RGS7: variants seen among roughly 807,000 people sequenced by gnomAD.
The protein encoded by RGS7 is regulator of G-protein signaling 7.
In RGS7, 27 loss-of-function variants were observed where a neutral mutation model predicts 81.1. The ratio of observed to expected loss-of-function variants is 0.33; its 90% CI spans 0.25 to 0.46. The LOEUF (loss-of-function observed/expected upper bound fraction) is 0.46. RGS7 is among the 20% of genes least tolerant of loss of function. The pLI, the probability that RGS7 is intolerant of heterozygous loss-of-function variation, is 1.00. For synonymous variants in RGS7, 208 were observed against 207.7 expected, an observed-to-expected ratio of 1.00 and a Z score of -0.01; for missense variants, 396 against 607.4, an observed-to-expected ratio of 0.65 and a Z score of 3.66.
chr1:240,870,699 G>A (rs1664330404), intron 6 of RGS7, among the ~76,000 whole-genome samples: 1 of 151,964 alleles, frequency 6.6e-6, no homozygotes, highest in South Asian at 2.1e-4. Flanking sequence ...CAAATAAGAG[G>A]AGAAAACAAA....
chr1:240,841,543 C>T (rs374101451), intron 9 of RGS7, among the ~76,000 whole-genome samples: 23 of 152,018 alleles, frequency 1.5e-4, no homozygotes, highest in Admixed American at 8.5e-4. Context: ...GCTAATAACG[C>T]CTCTTCTATT....
At chr1:240,897,011 G>A (rs1330458423) in intron 6 of RGS7, among the ~76,000 whole-genome samples, 5 of 152,188 alleles carry the variant, frequency 3.3e-5, no homozygotes, top group African/African-American at 1.2e-4. Flanking sequence ...TCCCTTGTAA[G>A]TTGGACTCCT....
At chr1:240,972,226 G>C (rs915764464) in intron 4 of RGS7, among the ~76,000 whole-genome samples, 1 of 152,090 alleles carries the variant, frequency 6.6e-6, no homozygotes, top group African/African-American at 2.4e-5. Flanking sequence ...TGAAATAGTT[G>C]TTCAAAAAGG....
intron 3 of RGS7, among the ~76,000 whole-genome samples, chr1:241,037,145 C>G (rs1036598580): frequency 6.6e-6 from 1 of 152,114 alleles, no homozygotes; most frequent in African/African-American, 2.4e-5. Flanking sequence ...GAATGTTGCT[C>G]TAATAAAAGC....
intron 2 of RGS7, among the ~76,000 whole-genome samples, chr1:241,265,081 T>C (rs550186902): frequency 3.3e-5 from 5 of 152,334 alleles, no homozygotes; most frequent in South Asian, 2.1e-4. Context: ...CATTCTCCCA[T>C]GGAACCAGGG....
chr1:240,793,055 T>G (rs1263785018), intron 18 of RGS7, among the ~76,000 whole-genome samples: 1 of 152,146 alleles, frequency 6.6e-6, no homozygotes, highest in Non-Finnish European at 1.5e-5. Flanking sequence ...AACACAATAC[T>G]TTGGGAAATG....
In RGS7 at chr1:240,868,084, A is replaced by AAG. The variant is rs1663684218; in HGVS notation, c.609+502_609+503insCT. Among the ~76,000 whole-genome samples, 22 of 149,730 alleles carry AAG rather than the reference A, an allele frequency of 1.5e-4. No individual in the cohort carries two copies. The highest frequency in any genetic ancestry group is 4.3e-4 in the African/African-American group (17 of 39,914). On this transcript the variant is annotated intron_variant, in intron 9 of 18. Transcript: ENST00000440928. The surrounding 1 kb of genome is among the most constrained non-coding windows in gnomAD (Gnocchi z 5.1). ...GAAAAGAAGAGAAAAGAAAGAAAGA[A>AAG]AAAGAAAGAAAAGAAAAAGAAAGAA...
intron 2 of RGS7, among the ~76,000 whole-genome samples, chr1:241,250,286 G>A (rs12402337): frequency 0.11 from 16,698 of 152,024 alleles, 1,017 homozygotes; most frequent in Admixed American, 0.19. Context: ...GAATTTTATC[G>A]AGGGGGAGGA....
chr1:240,965,455 T>C (rs1413906542), intron 4 of RGS7, among the ~76,000 whole-genome samples: 1 of 152,204 alleles, frequency 6.6e-6, no homozygotes, highest in Non-Finnish European at 1.5e-5. Flanking sequence ...CCACACAACA[T>C]TATTTGACTT....
At chr1:241,281,237 A>T (rs1187044273) in intron 2 of RGS7, among the ~76,000 whole-genome samples, 2 of 152,200 alleles carry the variant, frequency 1.3e-5, no homozygotes, top group Non-Finnish European at 2.9e-5. Flanking sequence ...AGAAATGTAA[A>T]CAAACTTAAA....
rs4660057 is a variant in RGS7, at chr1:241,271,014, C to T, written c.78+84685G>A. Among the ~76,000 whole-genome samples the T allele has an allele frequency of 0.4, 60,948 of 151,854 alleles. 12,535 individuals carry two copies. The highest frequency in any genetic ancestry group is 0.61 in the East Asian group (3,129 of 5,150). On this transcript the variant is annotated intron_variant, in intron 2 of 18. Coordinates refer to ENST00000440928, the MANE Select transcript of RGS7 (RefSeq NM_001364886.1). This position sits in a 1 kb window ranked among gnomAD's most constrained non-coding sequence, Gnocchi z 4.6. ...CCTCGTGATCCGCCCGTCTCAGCCT[C>T]CCAAAGTGCTGGGATTCCAGGTCCC... is the stretch of plus-strand genomic sequence containing the variant.
intron 2 of RGS7, among the ~76,000 whole-genome samples, chr1:241,335,996 A>T (rs1025543083): frequency 6.6e-6 from 1 of 152,070 alleles, no homozygotes; most frequent in Non-Finnish European, 1.5e-5. Flanking sequence ...TAGTGTGATT[A>T]TGATTGCTTC....
rs578173468 is a variant in RGS7, at chr1:241,044,736, T to TTC, written c.175+53928_175+53929dup. ...TGGTAAGCCACCACACCTGACTTGT[T>TTC]TCTGTTGTTGTTTTGATATTATCTT... On this transcript the variant is annotated intron_variant, in intron 3 of 18. Coordinates refer to ENST00000440928, the MANE Select transcript of RGS7 (RefSeq NM_001364886.1). Among the ~76,000 whole-genome samples the TTC allele has an allele frequency of 7.5e-3, 1,135 of 152,262 alleles. 7 individuals carry two copies. Among genetic ancestry groups the TTC allele is most frequent in the Non-Finnish European group, 0.01 (684 of 68,018 alleles).
At chr1:241,221,015 A>AGAGAG (rs1200426779) in intron 2 of RGS7, among the ~76,000 whole-genome samples, 1 of 103,814 alleles carries the variant, frequency 9.6e-6, no homozygotes, top group African/African-American at 3.2e-5. Context: ...GAAAGGAAGG[A>AGAGAG]AGGAAGGAAG....
chr1:240,985,204 T>C (rs1282039236), intron 3 of RGS7, among the ~76,000 whole-genome samples: 1 of 152,230 alleles, frequency 6.6e-6, no homozygotes. Context: ...CCAATGTCGA[T>C]TCCCAGATAC....
Position 240,939,252 on chromosome 1 carries a change from T to C in RGS7, c.227-2546A>G, listed in dbSNP as rs915170847. Reference sequence around the variant, plus strand: ...TGCCTTCTGCTAGGTTGAGTGAATATTTCCAACACAAAAAAAACATAAAAC... The same window carrying C: ...TGCCTTCTGCTAGGTTGAGTGAATACTTCCAACACAAAAAAAACATAAAAC... On this transcript the variant is annotated intron_variant, in intron 4 of 18. Transcript: ENST00000440928. Among the ~76,000 whole-genome samples, 10 of 145,322 alleles carry C rather than the reference T, an allele frequency of 6.9e-5. No individual in the cohort carries two copies. The South Asian group carries it at 2.1e-3, about 30-fold the overall frequency.
intron 3 of RGS7, among the ~76,000 whole-genome samples, chr1:241,055,400 G>A (rs2061429098): frequency 6.6e-6 from 1 of 152,068 alleles, no homozygotes; most frequent in African/African-American, 2.4e-5. Flanking sequence ...ACAGAATTCA[G>A]GGAAACACTT....
chr1:240,976,824 C>T (rs1201242077), intron 4 of RGS7, among the ~76,000 whole-genome samples: 1 of 150,082 alleles, frequency 6.7e-6, no homozygotes, highest in Non-Finnish European at 1.5e-5. Flanking sequence ...TATTTTCTAT[C>T]ATCTACCTAT....
At chr1:241,213,566 T>C (rs1017017534) in intron 2 of RGS7, among the ~76,000 whole-genome samples, 1 of 152,196 alleles carries the variant, frequency 6.6e-6, no homozygotes, top group Non-Finnish European at 1.5e-5. Context: ...CTGATATGCA[T>C]TCCTAACTTA....
Sources: allele counts gnomAD v4.1 joint callset (sites outside exome capture counted in the v4.1 genomes callset), GRCh38; gene constraint gnomAD v4.1.1; non-coding constraint Gnocchi (gnomAD v3.1); transcripts MANE v1.5; gene names NCBI Gene and HGNC (gene_info 2026-07-23, HGNC 2026-07-21).